Variants in MYO6 observed in about 807,000 individuals in gnomAD.
The protein encoded by MYO6 is unconventional myosin-VI.
In MYO6, 74 loss-of-function variants were observed where a neutral mutation model predicts 178.7. The observed-to-expected ratio is 0.41, with a 90% confidence interval of 0.34 to 0.50. The LOEUF is 0.50. Ranked by LOEUF, MYO6 falls within the 20% of genes least tolerant of loss-of-function variation. The pLI, the probability that MYO6 is intolerant of heterozygous loss-of-function variation, is 0.09. For missense variants in MYO6, 1,330 were observed against 1,547.4 expected (o/e 0.86, Z 2.36); for synonymous variants, 477 against 504.6 (o/e 0.95, Z 0.73).
rs192408678 is a variant in MYO6, at chr6:75,843,776, C to G, written c.817-1121C>G. Reference sequence around the variant, plus strand: ...TCTAGGGTGGAAGAAAAAAAAAAACCATGTATATAGTTGTCTTGTTTTTAC... The same window carrying G: ...TCTAGGGTGGAAGAAAAAAAAAAACGATGTATATAGTTGTCTTGTTTTTAC... On this transcript the variant is annotated intron_variant, in intron 9 of 34. Transcript: ENST00000369977. Among the ~76,000 whole-genome samples, 22 of 151,126 alleles carry G rather than the reference C, an allele frequency of 1.5e-4. 1 individual carries two copies. The East Asian group carries it at 4.3e-3, about 29-fold the overall frequency.
chr6:75,881,731 T>G lies in MYO6; in HGVS notation c.2329T>G (p.Leu777Val), dbSNP rs1221707885. 1.9e-6 allele frequency: 3 copies of G among 1,613,902 alleles called. No individual in the cohort carries two copies. The highest frequency in any genetic ancestry group is 2.5e-6 in the Non-Finnish European group (3 of 1,179,896). The change falls in exon 23 of 35, where the codon TTA becomes GTA. Residue 777 changes from leucine (L) to valine (V), a missense_variant. This residue lies in a region of MYO6 where 613 missense variants were observed against 816.8 expected (regional missense o/e 0.75). Transcript: ENST00000369977. Reference protein sequence around the residue: ...DQIMKSDPDHLAELVKRVNHW... With the variant: ...DQIMKSDPDHVAELVKRVNHW... ...GATCATGAAGTCTGACCCTGACCAC[T>G]TAGCAGAGTTGGTTAAAAGAGTCAA... is the stretch of plus-strand genomic sequence containing the variant.
At chr6:75,753,586 G>A (rs764894425) in intron 1 of MYO6, among the ~76,000 whole-genome samples, 4 of 151,580 alleles carry the variant, frequency 2.6e-5, no homozygotes, top group South Asian at 4.2e-4. Flanking sequence ...CTCAGTCTCC[G>A]GAGTAGCTGG....
At chr6:75,788,497 CA>C (rs1233912478) in intron 1 of MYO6, among the ~76,000 whole-genome samples, 2 of 152,184 alleles carry the variant, frequency 1.3e-5, no homozygotes, top group African/African-American at 2.4e-5. Flanking sequence ...ACTCTTCCAG[CA>C]GATCCTGAAA....
chr6:75,862,696 A>G lies in MYO6; in HGVS notation c.1647A>G (p.Gln549=). 6.2e-7 allele frequency: 1 copy of G among 1,614,144 alleles called. No homozygotes were observed. The highest frequency in any genetic ancestry group is 1.1e-5 in the South Asian group (1 of 91,086). ...SDQHFTSAVH[Q]KHKDHFRLTI... ...AACACTTTACATCTGCAGTTCACCA[A>G]AAGCACAAGGATCATTTTCGACTCA... The change falls in exon 16 of 35, where the codon CAA becomes CAG. Residue 549 remains glutamine, a synonymous_variant. Transcript: ENST00000369977.
chr6:75,778,502 C>G (rs1766617369), intron 1 of MYO6, among the ~76,000 whole-genome samples: 1 of 151,580 alleles, frequency 6.6e-6, no homozygotes, highest in African/African-American at 2.4e-5. Context: ...GCGGCTGAGG[C>G]GGGAGAATGG....
chr6:75,862,624 A>G lies in MYO6; in HGVS notation c.1575A>G (p.Ile525Met), dbSNP rs763880056. 1.2e-6 allele frequency: 2 copies of G among 1,613,700 alleles called. No homozygotes were observed. Among genetic ancestry groups the G allele is most frequent in the Non-Finnish European group, 1.7e-6 (2 of 1,179,618 alleles). The change falls in exon 16 of 35, where the codon ATA (isoleucine) becomes ATG (methionine). Residue 525 changes from isoleucine to methionine, a missense_variant. Physicochemically the swap from Ile to Met is conservative, Grantham distance 10. This residue lies in a region of MYO6 where 613 missense variants were observed against 816.8 expected (regional missense o/e 0.75). Coordinates refer to ENST00000369977, the MANE Select transcript of MYO6 (RefSeq NM_004999.4). ...IDLIEAKLVG[I>M]LDILDEENRL... is the part of the protein sequence containing the mutation. ...TAATTGAAGCCAAATTAGTGGGAAT[A>G]CTGGATATTTTGGATGAAGAAAATC...
intron 19 of MYO6, among the ~76,000 whole-genome samples, chr6:75,871,933 C>T (rs1010602598): frequency 6.6e-6 from 1 of 151,954 alleles, no homozygotes; most frequent in Non-Finnish European, 1.5e-5. Context: ...TTGAGACCAG[C>T]CTGCCCAATA....
intron 1 of MYO6, among the ~76,000 whole-genome samples, chr6:75,757,005 GTGTGTATATATGTATA>G (rs1777457714): frequency 2.5e-5 from 1 of 40,668 alleles, no homozygotes; most frequent in Non-Finnish European, 6.2e-5. Flanking sequence ...CACATATATA[GTGTGTATATATGTATA>G]CACACATATA....
At chr6:75,844,103 A>G (rs1389963896) in intron 9 of MYO6, among the ~76,000 whole-genome samples, 1 of 152,198 alleles carries the variant, frequency 6.6e-6, no homozygotes, top group East Asian at 1.9e-4. Context: ...AGAAAAATGC[A>G]GTACTTTTAG....
intron 30 of MYO6, among the ~76,000 whole-genome samples, chr6:75,899,624 A>G (rs893830193): frequency 6.6e-6 from 1 of 152,312 alleles, no homozygotes; most frequent in East Asian, 1.9e-4. Context: ...CCGCTTATGA[A>G]AAGTATAGAT....
rs75496929 is a variant in MYO6 at position 75,804,723 on chromosome 6, C to T, written c.-47-12778C>T. Among the ~76,000 whole-genome samples, 427 of 151,958 alleles carry T rather than the reference C, an allele frequency of 2.8e-3. 3 individuals are homozygous for T. The highest frequency in any genetic ancestry group is 9.6e-3 in the African/African-American group (396 of 41,418). On this transcript the variant is annotated intron_variant, in intron 1 of 34. Transcript: ENST00000369977. ...TAATAGTTAACAGAATAAATGACTC[C>T]GTAAGGCAGTCTTGGAAGGATTCTG...
chr6:75,898,208 A>G (rs1302027843), intron 29 of MYO6, among the ~76,000 whole-genome samples, 165 bp from the exon 30 acceptor site: 1 of 152,224 alleles, frequency 6.6e-6, no homozygotes, highest in Non-Finnish European at 1.5e-5. Context: ...TGTTACGGCT[A>G]GATTTGTTGA....
rs955549451 is a variant in MYO6 at position 75,879,910 on chromosome 6, C to T, written c.2168C>T (p.Pro723Leu). Residue 723 changes from proline (P) to leucine (L), a missense_variant, in exon 21 of 35, where the codon CCA (proline) becomes CTA (leucine). By Grantham distance (98) the Pro-to-Leu change is moderately conservative. This residue lies in a region of MYO6 where 613 missense variants were observed against 816.8 expected (regional missense o/e 0.75). Coordinates refer to ENST00000369977, the MANE Select transcript of MYO6 (RefSeq NM_004999.4). Reference sequence around the variant, plus strand: ...TACAACATGTACAAAAAGTATATGCCAGATAAACTTGCAAGATTGGATCCA... The same window carrying T: ...TACAACATGTACAAAAAGTATATGCTAGATAAACTTGCAAGATTGGATCCA... The part of the protein sequence containing the change: ...ELYNMYKKYM[P>L]DKLARLDPRL... 3.1e-6 allele frequency: 5 copies of T among 1,614,068 alleles called. No homozygotes were observed. Among genetic ancestry groups the T allele is most frequent in the Non-Finnish European group, 4.2e-6 (5 of 1,179,998 alleles).
At chr6:75,884,661 G>A (rs920129160) in intron 23 of MYO6, among the ~76,000 whole-genome samples, 10 of 148,986 alleles carry the variant, frequency 6.7e-5, no homozygotes, top group African/African-American at 2.5e-4. Flanking sequence ...GAATTTTTAA[G>A]GATAATTTGG....
At chr6:75,844,784 A>G in intron 9 of MYO6, 113 bp from the exon 10 acceptor site, 5 of 804,600 alleles carry the variant, frequency 6.2e-6, no homozygotes, top group South Asian at 1.5e-5. Context: ...ACAGTACTCA[A>G]GTTGTGTTTA....
chr6:75,800,326 G>A (rs1769321726), intron 1 of MYO6, among the ~76,000 whole-genome samples: 1 of 152,144 alleles, frequency 6.6e-6, no homozygotes, highest in South Asian at 2.1e-4. Flanking sequence ...GACAGGACCT[G>A]GGAGCTGCCG....
intron 3 of MYO6, among the ~76,000 whole-genome samples, chr6:75,827,143 G>A (rs9447565): frequency 2.4e-3 from 363 of 152,294 alleles, no homozygotes; most frequent in African/African-American, 8.3e-3. Context: ...ATCTGATTTA[G>A]TAGACAAAAC....
At chr6:75,904,060 C>T (rs1407434473) in intron 30 of MYO6, among the ~76,000 whole-genome samples, 5 of 152,184 alleles carry the variant, frequency 3.3e-5, no homozygotes, top group Non-Finnish European at 7.3e-5. Flanking sequence ...TTGGCCCCAA[C>T]TCTCTTCTGG....
At position 75,903,629 on chromosome 6, in the gene MYO6, G is replaced by A. The variant is rs949296620; in HGVS notation, c.3177-3976G>A. On this transcript the variant is annotated intron_variant, in intron 30 of 34. Coordinates refer to ENST00000369977, the MANE Select transcript of MYO6 (RefSeq NM_004999.4). ...TTTGAGCCTATGTGTGTCTCTGCAC[G>A]TGAGATGGGTTTCCTGAATACAGCA... Among the ~76,000 whole-genome samples the A allele has an allele frequency of 3.0e-4, 46 of 151,994 alleles. 1 individual carries two copies. The highest frequency in any genetic ancestry group is 8.7e-4 in the African/African-American group (36 of 41,488).
Sources: allele counts gnomAD v4.1 joint callset (sites outside exome capture counted in the v4.1 genomes callset), GRCh38; gene constraint gnomAD v4.1.1; regional missense constraint gnomAD v4.1.1; transcripts MANE v1.5; gene names NCBI Gene and HGNC (gene_info 2026-07-23, HGNC 2026-07-21).